The following LHFPL3 variants were observed in gnomAD, a reference collection of about 807,000 sequenced individuals.
LHFPL3 encodes the protein LHFPL tetraspan subfamily member 3.
In LHFPL3, 5 loss-of-function variants were observed where a neutral mutation model predicts 19.3. The ratio of observed to expected loss-of-function variants is 0.26; its 90% CI spans 0.14 to 0.54. The LOEUF (loss-of-function observed/expected upper bound fraction) is 0.54, where lower values mean the gene tolerates loss of function less well. Ranked by LOEUF, LHFPL3 falls within the 20% of genes least tolerant of loss-of-function variation. The pLI, the probability that LHFPL3 is intolerant of heterozygous loss-of-function variation, is 0.94. For missense variants in LHFPL3, 249 were observed against 307.4 expected (o/e 0.81, Z 1.42); for synonymous variants, 133 against 126.2 (o/e 1.05, Z -0.36).
intron 2 of LHFPL3, among the ~76,000 whole-genome samples, chr7:104,798,022 C>T (rs1790166054): frequency 1.3e-5 from 2 of 148,570 alleles, no homozygotes. Context: ...GGTGGGGTGG[C>T]AGTGGGGGGG....
intron 2 of LHFPL3, among the ~76,000 whole-genome samples, chr7:104,747,657 C>T (rs912804226): frequency 5.3e-5 from 8 of 152,134 alleles, no homozygotes; most frequent in African/African-American, 1.9e-4. Context: ...TACTCAGAAA[C>T]TCATTTCTCT....
intron 1 of LHFPL3, among the ~76,000 whole-genome samples, chr7:104,579,934 C>G (rs1470113570): frequency 6.6e-6 from 1 of 152,142 alleles, no homozygotes; most frequent in Non-Finnish European, 1.5e-5. Flanking sequence ...GCTTAAGTCT[C>G]CTTGCTGGTT....
At chr7:104,330,994 C>G (rs1409533393) in intron 1 of LHFPL3, among the ~76,000 whole-genome samples, 1 of 152,140 alleles carries the variant, frequency 6.6e-6, no homozygotes, top group Non-Finnish European at 1.5e-5. Flanking sequence ...TTTAAAAGGT[C>G]TGAAAATACT....
At chr7:104,861,958 A>AGGGCT (rs1791626461) in intron 2 of LHFPL3, among the ~76,000 whole-genome samples, 1 of 152,146 alleles carries the variant, frequency 6.6e-6, no homozygotes, top group Non-Finnish European at 1.5e-5. Context: ...GGCTCGTGGT[A>AGGGCT]GGGCTGGGCT....
At chr7:104,473,792 T>A (rs1007115002) in intron 1 of LHFPL3, among the ~76,000 whole-genome samples, 5 of 152,252 alleles carry the variant, frequency 3.3e-5, no homozygotes, top group African/African-American at 1.2e-4. Flanking sequence ...AATTTGTTTT[T>A]AAAATTGAAT....
chr7:104,559,637 T>A (rs1789940960), intron 1 of LHFPL3, among the ~76,000 whole-genome samples: 1 of 152,210 alleles, frequency 6.6e-6, no homozygotes, highest in South Asian at 2.1e-4. Flanking sequence ...CAGGGACAAT[T>A]TGACTTCCTA....
rs184460320 is a variant in LHFPL3 at position 104,790,524 on chromosome 7, A to G, written c.682+53613A>G. Among the ~76,000 whole-genome samples, 42 of 152,164 alleles carry G rather than the reference A, an allele frequency of 2.8e-4. No individual in the cohort carries two copies. In the East Asian group the frequency reaches 7.6e-3, roughly 27 times the overall value. On this transcript the variant is annotated intron_variant, in intron 2 of 2. Coordinates refer to ENST00000424859, the MANE Select transcript of LHFPL3 (RefSeq NM_199000.3). ...CTTGTTTATTCTTTATTTTAGGACC[A>G]CTTTCCCCAACCAGAGTATAAACCA...
In LHFPL3 at chr7:104,812,200, C is replaced by T. The variant is rs143145640; in HGVS notation, c.682+75289C>T. Among the ~76,000 whole-genome samples, 602 of 152,306 alleles carry T rather than the reference C, an allele frequency of 4.0e-3. 2 individuals are homozygous for T. The highest frequency in any genetic ancestry group is 0.014 in the African/African-American group (576 of 41,570). On this transcript the variant is annotated intron_variant, in intron 2 of 2. Coordinates refer to ENST00000424859, the MANE Select transcript of LHFPL3 (RefSeq NM_199000.3). The stretch of plus-strand genomic sequence containing the variant: ...GTCCACAAAGTCTCCATCTGAACTT[C>T]AATTCAGTAATTTGCTGGCGTGACC...
chr7:104,747,625 T>C (rs1794074254), intron 2 of LHFPL3, among the ~76,000 whole-genome samples: 1 of 152,184 alleles, frequency 6.6e-6, no homozygotes, highest in Non-Finnish European at 1.5e-5. Flanking sequence ...TTAAAATAAA[T>C]CTTGGGAGAC....
intron 1 of LHFPL3, among the ~76,000 whole-genome samples, chr7:104,331,027 G>C (rs561571737): frequency 7.0e-4 from 106 of 152,192 alleles, no homozygotes; most frequent in African/African-American, 2.5e-3. Context: ...TCTCAACAAC[G>C]TATTCTTCAA....
chr7:104,707,226 A>G (rs375171968), intron 1 of LHFPL3, among the ~76,000 whole-genome samples: 1 of 152,214 alleles, frequency 6.6e-6, no homozygotes, highest in Admixed American at 6.5e-5. Flanking sequence ...TTCCCAGGGT[A>G]CATAGTGTTC....
Position 104,669,656 on chromosome 7 carries a change from A to C in LHFPL3, c.446-67019A>C. Reference sequence around the variant, plus strand: ...AGCAAATCAAAACCTCTATCCAGACAAGACAAAATAAAACTCACCATCTCC... The same window carrying C: ...AGCAAATCAAAACCTCTATCCAGACCAGACAAAATAAAACTCACCATCTCC... On this transcript the variant is annotated intron_variant, in intron 1 of 2. Transcript: ENST00000424859. The C allele has an allele frequency of 2.2e-6, 3 of 1,334,434 alleles. No homozygotes were observed. In the South Asian group the frequency reaches 3.8e-5, roughly 17 times the overall value. 82.7% of individuals were successfully genotyped at this position (1,334,434 alleles called of 1,614,324 possible).
At chr7:104,593,026 G>A (rs1790759714) in intron 1 of LHFPL3, among the ~76,000 whole-genome samples, 1 of 152,118 alleles carries the variant, frequency 6.6e-6, no homozygotes, top group African/African-American at 2.4e-5. Context: ...GGTTTTTTGT[G>A]TCTCTATTTC....
intron 2 of LHFPL3, among the ~76,000 whole-genome samples, chr7:104,784,493 G>C (rs778908812): frequency 3.3e-4 from 50 of 152,144 alleles, no homozygotes; most frequent in Middle Eastern, 3.2e-3. Flanking sequence ...TTTCCAGACA[G>C]AATTAGAAAA....
chr7:104,623,206 TTTTTGTTTTG>T (rs906363858), intron 1 of LHFPL3, among the ~76,000 whole-genome samples: 1 of 152,140 alleles, frequency 6.6e-6, no homozygotes, highest in African/African-American at 2.4e-5. Context: ...CACTCATGTG[TTTTTGTTTTG>T]TTTTGTTTTG....
At chr7:104,544,715 T>C (rs190653589) in intron 1 of LHFPL3, among the ~76,000 whole-genome samples, 1 of 152,314 alleles carries the variant, frequency 6.6e-6, no homozygotes, top group East Asian at 1.9e-4. Flanking sequence ...AAAGATGATT[T>C]TTTTAAGAAA....
chr7:104,518,451 C>A (rs546928133), intron 1 of LHFPL3, among the ~76,000 whole-genome samples: 2 of 152,068 alleles, frequency 1.3e-5, no homozygotes, highest in East Asian at 3.9e-4. Context: ...AGAGGTTGTA[C>A]CTTGTTTTTT....
In LHFPL3 at chr7:104,420,554, A is replaced by ATTTT. The variant is rs71153195; in HGVS notation, c.445+91350_445+91353dup. The stretch of plus-strand genomic sequence containing the variant: ...TTACTGGTGGCCTCCCAAAGGGTGA[A>ATTTT]TTTTTTTTTTTTTTTTTTTTTTTGA... On this transcript the variant is annotated intron_variant, in intron 1 of 2. Transcript: ENST00000424859. Among the ~76,000 whole-genome samples, 540 of 112,632 alleles carry ATTTT rather than the reference A, an allele frequency of 4.8e-3. 14 individuals are homozygous for ATTTT. The highest frequency in any genetic ancestry group is 5.6e-3 in the Non-Finnish European group (321 of 57,380). 73.9% of individuals were successfully genotyped at this position (112,632 alleles called of 152,430 possible). A position where few individuals can be genotyped will look rare whatever the true frequency, so the allele number is the denominator to read the frequency against.
intron 2 of LHFPL3, among the ~76,000 whole-genome samples, chr7:104,899,641 A>C (rs761728643): frequency 3.9e-5 from 6 of 152,234 alleles, no homozygotes; most frequent in Non-Finnish European, 7.3e-5. Flanking sequence ...TTGAAAAGCC[A>C]ACACTTTCAA....
Sources: gnomAD v4.1 joint callset for allele counts (sites outside exome capture counted in the v4.1 genomes callset) on GRCh38, gnomAD v4.1.1 for gene constraint, MANE v1.5 for transcripts, NCBI Gene and HGNC (gene_info 2026-07-23, HGNC 2026-07-21) for gene names.